Variants in BLTP1 observed in about 807,000 individuals in gnomAD.
BLTP1 encodes the protein bridge-like lipid transfer protein family member 1.
At chr4:122,326,857 G>T in the BLTP1 span, among the ~76,000 whole-genome samples, 7 of 151,462 alleles carry the variant, frequency 4.6e-5, no homozygotes, top group Admixed American at 1.3e-4. Flanking sequence ...TTAAAAATTG[G>T]CTGTTCTAAC....
chr4:122,292,558 A>G, the BLTP1 span: 1 of 863,994 alleles, frequency 1.2e-6, no homozygotes, highest in South Asian at 5.3e-5. Context: ...AGAAAATAGT[A>G]TGTTAACGAA....
the BLTP1 span, among the ~76,000 whole-genome samples, chr4:122,291,280 G>A: frequency 6.6e-6 from 1 of 152,186 alleles, no homozygotes; most frequent in Non-Finnish European, 1.5e-5. Context: ...AATCACATAT[G>A]ATTTAGCTGG....
At chr4:122,220,342 A>T in the BLTP1 span, 8 of 1,612,990 alleles carry the variant, frequency 5.0e-6, no homozygotes, top group Non-Finnish European at 6.8e-6. Context: ...GCATGGAACT[A>T]CTGATGGTCC....
the BLTP1 span, chr4:122,289,403 C>A: frequency 1.4e-6 from 1 of 723,602 alleles, no homozygotes; most frequent in Non-Finnish European, 1.7e-6. Flanking sequence ...ATTTAAGATT[C>A]ATAAACTTCA....
the BLTP1 span, among the ~76,000 whole-genome samples, chr4:122,203,288 A>G: frequency 2.6e-5 from 4 of 151,938 alleles, no homozygotes; most frequent in Non-Finnish European, 5.9e-5. Flanking sequence ...CTTTATGATA[A>G]ATATAATATA....
At chr4:122,328,698 A>T in the BLTP1 span, 1 of 982,884 alleles carries the variant, frequency 1.0e-6, no homozygotes, top group Non-Finnish European at 1.2e-6. Context: ...CAGCAAGGAG[A>T]TATGTAATAG....
chr4:122,277,975 A>G, the BLTP1 span, among the ~76,000 whole-genome samples: 4 of 152,152 alleles, frequency 2.6e-5, no homozygotes, highest in African/African-American at 9.7e-5. Context: ...ACATGTGAGA[A>G]TATACTTATT....
the BLTP1 span, among the ~76,000 whole-genome samples, chr4:122,342,201 T>G: frequency 1.3e-5 from 2 of 152,100 alleles, no homozygotes; most frequent in South Asian, 4.1e-4. Context: ...TAAGCTAGAA[T>G]GGCAGCAGTG....
the BLTP1 span, chr4:122,235,117 A>G: frequency 8.7e-6 from 10 of 1,153,184 alleles, no homozygotes; most frequent in Admixed American, 2.2e-5. Context: ...GTTCAACTCA[A>G]TTTACTTTGT....
the BLTP1 span, among the ~76,000 whole-genome samples, chr4:122,217,153 A>G: frequency 6.6e-6 from 1 of 152,004 alleles, no homozygotes; most frequent in South Asian, 2.1e-4. Flanking sequence ...GTTGGCTGCA[A>G]GTATTTGGCT....
the BLTP1 span, chr4:122,318,046 T>C: frequency 2.4e-6 from 3 of 1,266,330 alleles, no homozygotes; most frequent in Non-Finnish European, 3.2e-6. Flanking sequence ...CTGTATATAA[T>C]CATCTTTGGT....
At chr4:122,324,031 G>A in the BLTP1 span, among the ~76,000 whole-genome samples, 4 of 151,914 alleles carry the variant, frequency 2.6e-5, no homozygotes, top group South Asian at 2.1e-4. Flanking sequence ...TCCTACAAAC[G>A]GGATGCCCTT....
At chr4:122,336,390 A>G in the BLTP1 span, 2 of 1,369,534 alleles carry the variant, frequency 1.5e-6, no homozygotes, top group African/African-American at 1.4e-5. Context: ...CATAACATAT[A>G]TTTTGGGATC....
At chr4:122,197,412 T>C in the BLTP1 span, 1 of 947,988 alleles carries the variant, frequency 1.1e-6, no homozygotes, top group Non-Finnish European at 1.4e-6. Flanking sequence ...GTGCCTATAC[T>C]CATTAAAGGG....
chr4:122,327,259 T>A, the BLTP1 span, among the ~76,000 whole-genome samples: 1 of 151,478 alleles, frequency 6.6e-6, no homozygotes, highest in Non-Finnish European at 1.5e-5. Flanking sequence ...CATACCAATA[T>A]CCACAAATAC....
chr4:122,317,728 A>T, the BLTP1 span, among the ~76,000 whole-genome samples: 7 of 151,970 alleles, frequency 4.6e-5, no homozygotes, highest in African/African-American at 1.7e-4. Context: ...GTAAGTTATC[A>T]TGCAGTGATT....
the BLTP1 span, among the ~76,000 whole-genome samples, chr4:122,255,642 GTC>G: frequency 6.6e-6 from 1 of 152,040 alleles, no homozygotes; most frequent in East Asian, 1.9e-4. Flanking sequence ...GCAAAACTCT[GTC>G]TCAAGAAAAA....
At chr4:122,285,415 C>T in the BLTP1 span, among the ~76,000 whole-genome samples, 1 of 152,000 alleles carries the variant, frequency 6.6e-6, no homozygotes, top group Admixed American at 6.6e-5. Context: ...TAGACAGTCC[C>T]CACCCCTTGC....
At chr4:122,353,733 T>A in the BLTP1 span, 1 of 1,464,776 alleles carries the variant, frequency 6.8e-7, no homozygotes, top group East Asian at 2.5e-5. The surrounding 1 kb of genome is among the most constrained non-coding windows in gnomAD (Gnocchi z 4.3). Flanking sequence ...ACAACTGAAT[T>A]TATAGCTCTG....
Sources: allele counts gnomAD v4.1 joint callset (sites outside exome capture counted in the v4.1 genomes callset), GRCh38; gene constraint gnomAD v4.1.1; non-coding constraint Gnocchi (gnomAD v3.1); transcripts MANE v1.5; gene names NCBI Gene and HGNC (gene_info 2026-07-23, HGNC 2026-07-21).